Variants in FRK observed in about 807,000 individuals in gnomAD.
The protein encoded by FRK is fyn related Src family tyrosine kinase, also known as tyrosine-protein kinase FRK.
In FRK, 51 loss-of-function variants were observed where a neutral mutation model predicts 56.4. That is an observed-to-expected ratio of 0.90 (90% confidence interval 0.72 to 1.14). The LOEUF (loss-of-function observed/expected upper bound fraction) is 1.14. FRK is among the 50% of genes most tolerant of loss of function. The pLI is 0.00. For missense variants in FRK, 570 were observed against 601.4 expected, an observed-to-expected ratio of 0.95 and a Z score of 0.55; for synonymous variants, 245 against 217.9, an observed-to-expected ratio of 1.12 and a Z score of -1.10.
intron 2 of FRK, among the ~76,000 whole-genome samples, chr6:115,990,224 GCTGC>G (rs1774544174): frequency 6.6e-6 from 1 of 151,912 alleles, no homozygotes; most frequent in South Asian, 2.1e-4. Context: ...CATTCTGTAG[GCTGC>G]CTGTTTACTC....
the FRK span, among the ~76,000 whole-genome samples, chr6:116,069,844 T>C: frequency 7.2e-5 from 11 of 152,212 alleles, no homozygotes; most frequent in East Asian, 1.2e-3. Flanking sequence ...CTGTAAAAAC[T>C]TGGATTCTAA....
the FRK span, among the ~76,000 whole-genome samples, chr6:116,089,263 G>A: frequency 6.6e-6 from 1 of 152,150 alleles, no homozygotes; most frequent in Admixed American, 6.5e-5. Context: ...GATATTGACT[G>A]AGATATCTTT....
the FRK span, among the ~76,000 whole-genome samples, chr6:116,067,638 A>G: frequency 6.6e-6 from 1 of 152,236 alleles, no homozygotes; most frequent in Non-Finnish European, 1.5e-5. Context: ...AATGCAGTAG[A>G]TACAAAGACA....
chr6:115,943,200 A>C lies in FRK; in HGVS notation c.1141-15T>G, dbSNP rs928644147. The C allele has an allele frequency of 6.4e-7, 1 of 1,574,324 alleles. No individual in the cohort carries two copies. Among genetic ancestry groups the C allele is most frequent in the Non-Finnish European group, 8.6e-7 (1 of 1,163,964 alleles). On this transcript the variant is annotated splice_polypyrimidine_tract_variant and intron_variant, in intron 6 of 7. Coordinates refer to ENST00000606080, the MANE Select transcript of FRK (RefSeq NM_002031.3). ...TCATTATCTACCTGTTCATGTATTA[A>C]GGAATCAGGCCGAGTTAAAGCAATT...
Position 116,060,554 on chromosome 6 carries a change from G to C in FRK, c.-243C>G. 2.1e-6 allele frequency: 1 copy of C among 472,160 alleles called. No individual in the cohort carries two copies. Among genetic ancestry groups the C allele is most frequent in the South Asian group, 3.7e-5 (1 of 26,708 alleles). 29.2% of individuals were successfully genotyped at this position (472,160 alleles called of 1,614,324 possible). On this transcript the variant is annotated 5_prime_UTR_variant, in exon 1 of 8. Coordinates refer to ENST00000606080, the MANE Select transcript of FRK (RefSeq NM_002031.3). ...TACCCCGAGGCAAAACTGAGCAGGA[G>C]CTGGGCAGCTGCTCACTAGGAAGGT...
chr6:116,031,594 T>C (rs943021102), intron 1 of FRK, among the ~76,000 whole-genome samples: 1 of 152,020 alleles, frequency 6.6e-6, no homozygotes, highest in Non-Finnish European at 1.5e-5. Context: ...TCACCCCAAT[T>C]TGGAGTAAGA....
At chr6:115,954,612 G>A (rs1772914397) in intron 5 of FRK, among the ~76,000 whole-genome samples, 1 of 152,176 alleles carries the variant, frequency 6.6e-6, no homozygotes, top group Admixed American at 6.5e-5. Flanking sequence ...GCAGATTACT[G>A]GGGAGAATAC....
chr6:115,944,452 G>T, intron 5 of FRK, 27 bp from the exon 6 acceptor site: 1 of 1,554,226 alleles, frequency 6.4e-7, no homozygotes, highest in Non-Finnish European at 8.7e-7. Context: ...AAGTAAGAAA[G>T]TTACCTTAGA....
the FRK span, among the ~76,000 whole-genome samples, chr6:116,066,724 C>T: frequency 5.3e-5 from 8 of 152,200 alleles, no homozygotes; most frequent in Non-Finnish European, 7.4e-5. Context: ...CTGTTCACCA[C>T]GGCAACAGCC....
At chr6:116,058,583 A>G (rs1385678585) in intron 1 of FRK, among the ~76,000 whole-genome samples, 4 of 152,162 alleles carry the variant, frequency 2.6e-5, no homozygotes, top group African/African-American at 9.7e-5. Context: ...GAGAATCTCC[A>G]ATGGTTTCCC....
chr6:116,096,355 T>A, the FRK span, among the ~76,000 whole-genome samples: 1 of 152,170 alleles, frequency 6.6e-6, no homozygotes, highest in African/African-American at 2.4e-5. Context: ...CGAGTGGGGA[T>A]TTTTTGTGTC....
At chr6:116,087,304 C>G in the FRK span, among the ~76,000 whole-genome samples, 1 of 152,134 alleles carries the variant, frequency 6.6e-6, no homozygotes, top group Non-Finnish European at 1.5e-5. Flanking sequence ...CAAGAGTTTA[C>G]TAGCATTTAA....
At chr6:115,961,428 C>A (rs1011636917) in intron 4 of FRK, among the ~76,000 whole-genome samples, 1 of 124,524 alleles carries the variant, frequency 8.0e-6, no homozygotes, top group Non-Finnish European at 1.6e-5. Flanking sequence ...ATTGGTGTAC[C>A]TAAAAGTGAT....
At chr6:115,951,195 AAATG>A (rs1460707429) in intron 5 of FRK, among the ~76,000 whole-genome samples, 6 of 152,338 alleles carry the variant, frequency 3.9e-5, no homozygotes, top group East Asian at 3.9e-4. Context: ...ATTGAAAACA[AAATG>A]AATGAAGTTA....
At chr6:116,009,956 G>A (rs1775399820) in intron 1 of FRK, among the ~76,000 whole-genome samples, 1 of 152,166 alleles carries the variant, frequency 6.6e-6, no homozygotes, top group African/African-American at 2.4e-5. Flanking sequence ...GGCCGGGCAT[G>A]GTGGCTCACT....
intron 1 of FRK, among the ~76,000 whole-genome samples, chr6:116,025,111 T>C (rs1259473919): frequency 1.3e-5 from 2 of 152,116 alleles, no homozygotes; most frequent in African/African-American, 4.8e-5. Context: ...AAGCAAAGAA[T>C]AGAAAGAATT....
the FRK span, among the ~76,000 whole-genome samples, chr6:116,082,670 T>G: frequency 6.6e-6 from 1 of 152,186 alleles, no homozygotes; most frequent in Admixed American, 6.5e-5. Context: ...TTCTATTAAC[T>G]AGCTCAGGAA....
At chr6:116,089,616 T>G in the FRK span, among the ~76,000 whole-genome samples, 1 of 152,244 alleles carries the variant, frequency 6.6e-6, no homozygotes, top group African/African-American at 2.4e-5. Flanking sequence ...TGACTTTTCT[T>G]TCTCACTGTG....
At chr6:116,011,264 T>C (rs549869110) in intron 1 of FRK, among the ~76,000 whole-genome samples, 1 of 152,274 alleles carries the variant, frequency 6.6e-6, no homozygotes, top group East Asian at 1.9e-4. Context: ...ACAAACTAGG[T>C]TCCTAGGTAA....
Sources: allele counts gnomAD v4.1 joint callset (sites outside exome capture counted in the v4.1 genomes callset), GRCh38; gene constraint gnomAD v4.1.1; transcripts MANE v1.5; gene names NCBI Gene and HGNC (gene_info 2026-07-23, HGNC 2026-07-21).